Variants in MDH1B observed in about 807,000 individuals in gnomAD.
The protein encoded by MDH1B is malate dehydrogenase 1B, also known as putative malate dehydrogenase 1B.
A neutral mutation model predicts 61.4 loss-of-function variants in MDH1B; 60 were observed. That is an observed-to-expected ratio of 0.98 (90% CI 0.79 to 1.21). MDH1B has a LOEUF of 1.21. Among genes scored for constraint, MDH1B ranks in the 50% most tolerant of loss-of-function variants. The pLI is 0.00. For missense variants in MDH1B, 587 were observed against 632.1 expected (o/e 0.93, Z 0.76); for synonymous variants, 236 against 218.7 (o/e 1.08, Z -0.70).
intron 10 of MDH1B, among the ~76,000 whole-genome samples, chr2:206,740,508 A>G (rs1350216110): frequency 6.6e-6 from 1 of 152,162 alleles, no homozygotes; most frequent in African/African-American, 2.4e-5. Flanking sequence ...GAGGTGGAAG[A>G]AAATCTGCAT....
At chr2:206,757,707 G>T (rs1275833538) in intron 2 of MDH1B, among the ~76,000 whole-genome samples, 3 of 152,076 alleles carry the variant, frequency 2.0e-5, no homozygotes, top group African/African-American at 7.2e-5. Context: ...AATTCAACTA[G>T]TTTTGCCCTT....
At chr2:206,762,359 C>T (rs1056623012) in intron 1 of MDH1B, among the ~76,000 whole-genome samples, 1 of 152,178 alleles carries the variant, frequency 6.6e-6, no homozygotes, top group African/African-American at 2.4e-5. Context: ...TGTACTTGGA[C>T]TCATCCTTTC....
chr2:206,743,223 G>T (rs537555349), intron 9 of MDH1B, among the ~76,000 whole-genome samples: 1 of 152,098 alleles, frequency 6.6e-6, no homozygotes, highest in South Asian at 2.1e-4. Flanking sequence ...GCACAAAATT[G>T]CTCTCATTAA....
chr2:206,757,464 G>A, intron 2 of MDH1B, 93 bp from the exon 3 acceptor site: 1 of 1,247,738 alleles, frequency 8.0e-7, no homozygotes, highest in Non-Finnish European at 1.1e-6. Flanking sequence ...ATACTAGGTT[G>A]CTTTTAATGT....
rs187762491 is a variant in MDH1B, at chr2:206,742,905, C to T, written c.1409-1801G>A. Among the ~76,000 whole-genome samples the T allele has an allele frequency of 4.6e-3, 698 of 151,936 alleles. 2 individuals carry two copies. Among genetic ancestry groups the T allele is most frequent in the African/African-American group, 0.016 (661 of 41,434 alleles). ...TTTGTTTTTGTATTTTTAGTAGAGACAGGGTTTCACCATGTTAGCCAGGAT... is the reference window on the plus strand; with the variant it reads ...TTTGTTTTTGTATTTTTAGTAGAGATAGGGTTTCACCATGTTAGCCAGGAT... On this transcript the variant is annotated intron_variant, in intron 9 of 11. Transcript: ENST00000374412.
At chr2:206,764,178 G>A (rs1689283761) in intron 1 of MDH1B, among the ~76,000 whole-genome samples, 1 of 151,898 alleles carries the variant, frequency 6.6e-6, no homozygotes, top group Admixed American at 6.6e-5. Flanking sequence ...TATGCCTGTA[G>A]TCCCAGCTAC....
intron 9 of MDH1B, 59 bp downstream of exon 9, chr2:206,745,563 C>T: frequency 1.6e-6 from 2 of 1,279,390 alleles, no homozygotes; most frequent in Non-Finnish European, 2.2e-6. Flanking sequence ...TCAGTTATAA[C>T]AAATATTTTA....
chr2:206,753,313 A>T (rs1459177313), intron 5 of MDH1B, among the ~76,000 whole-genome samples: 1 of 152,158 alleles, frequency 6.6e-6, no homozygotes, highest in Non-Finnish European at 1.5e-5. Context: ...TTTTGAGTCA[A>T]GGTCCTTCTC....
Position 206,737,866 on chromosome 2 carries a change from A to G in MDH1B, c.*617T>C, listed in dbSNP as rs1687576196. 1 of 152,282 alleles carries G rather than the reference A, an allele frequency of 6.6e-6. No homozygotes were observed. The highest frequency in any genetic ancestry group is 2.4e-5 in the African/African-American group (1 of 41,464). The allele number at this position is 152,282 out of a possible 1,614,324, so 9.4% of individuals were successfully genotyped here. A position where few individuals can be genotyped will look rare whatever the true frequency, so the allele number is the denominator to read the frequency against. On this transcript the variant is annotated 3_prime_UTR_variant, in exon 12 of 12. Transcript: ENST00000374412. ...AGTGTGATTTATTGTACAGACCTTT[A>G]TACAAAGCACACTCAAGGAAAAATG...
chr2:206,739,320 T>A (rs1574615883), intron 11 of MDH1B, among the ~76,000 whole-genome samples: 1 of 151,082 alleles, frequency 6.6e-6, no homozygotes, highest in Non-Finnish European at 1.5e-5. Flanking sequence ...AGGGGCTGAG[T>A]TGGGAGGGGC....
chr2:206,751,799 T>C (rs1688463407), intron 5 of MDH1B, among the ~76,000 whole-genome samples: 1 of 152,240 alleles, frequency 6.6e-6, no homozygotes. Flanking sequence ...GCATTCAATA[T>C]GATTTTATCA....
intron 5 of MDH1B, among the ~76,000 whole-genome samples, chr2:206,753,389 C>T (rs1451649820): frequency 6.6e-6 from 1 of 152,122 alleles, no homozygotes; most frequent in Non-Finnish European, 1.5e-5. Context: ...CTTAAGTGAT[C>T]CTCCCGCCTC....
At chr2:206,763,980 A>C (rs1689267221) in intron 1 of MDH1B, among the ~76,000 whole-genome samples, 2 of 151,938 alleles carry the variant, frequency 1.3e-5, no homozygotes, top group Admixed American at 1.3e-4. Context: ...CTGACTTCCC[A>C]CCATGTGGTT....
At chr2:206,739,380 C>T (rs1687677656) in intron 11 of MDH1B, among the ~76,000 whole-genome samples, 1 of 151,866 alleles carries the variant, frequency 6.6e-6, no homozygotes, top group Non-Finnish European at 1.5e-5. Flanking sequence ...CACCACTGCA[C>T]TTCAGCCTGG....
rs370626633 is a variant in MDH1B at position 206,760,676 on chromosome 2, T to C, written c.135+225A>G. On this transcript the variant is annotated intron_variant, in intron 2 of 11. Transcript: ENST00000374412. ...TCTTCAGGGGGTGCAGTCAAACTTA[T>C]TCTACTTATTGATTAGGGTCTCATT... Among the ~76,000 whole-genome samples, 18 of 152,330 alleles carry C rather than the reference T, an allele frequency of 1.2e-4. 1 individual carries two copies. The East Asian group carries it at 2.5e-3, about 21-fold the overall frequency.
chr2:206,755,519 A>T lies in MDH1B; in HGVS notation c.414-14T>A. On this transcript the variant is annotated splice_polypyrimidine_tract_variant and intron_variant, in intron 4 of 11. Coordinates refer to ENST00000374412, the MANE Select transcript of MDH1B (RefSeq NM_001039845.3). ...GGAGCAGAGGCACTGATAAAAATGC[A>T]AAGCCGCATTGTGAATAGTTATATC... 6.2e-7 allele frequency: 1 copy of T among 1,601,708 alleles called. No homozygotes were observed. The highest frequency in any genetic ancestry group is 8.5e-7 in the Non-Finnish European group (1 of 1,173,616).
At chr2:206,758,913 G>C (rs1189223606) in intron 2 of MDH1B, among the ~76,000 whole-genome samples, 7 of 151,818 alleles carry the variant, frequency 4.6e-5, no homozygotes, top group Non-Finnish European at 1.5e-5. Flanking sequence ...AGGGGTCCTG[G>C]TGTCACTGAG....
intron 10 of MDH1B, among the ~76,000 whole-genome samples, chr2:206,740,465 G>C (rs1017419116): frequency 6.6e-6 from 1 of 152,100 alleles, no homozygotes; most frequent in Non-Finnish European, 1.5e-5. Context: ...AGGAGGAAGA[G>C]GAGGCATTGG....
chr2:206,747,249 G>T (rs1162094723), intron 7 of MDH1B, among the ~76,000 whole-genome samples: 1 of 152,128 alleles, frequency 6.6e-6, no homozygotes, highest in African/African-American at 2.4e-5. Flanking sequence ...GGCTTCCCAG[G>T]TCCTCAAGTA....
Sources: allele counts gnomAD v4.1 joint callset (sites outside exome capture counted in the v4.1 genomes callset), GRCh38; gene constraint gnomAD v4.1.1; transcripts MANE v1.5; gene names NCBI Gene and HGNC (gene_info 2026-07-23, HGNC 2026-07-21).